Variants in AKR1C8 observed in about 807,000 individuals in gnomAD.
AKR1C8 encodes aldo-keto reductase family 1 member C8, also known as aldo-keto reductase family 1 member C-like protein 1.
At chr10:5,137,590 G>C in the AKR1C8 span, among the ~76,000 whole-genome samples, 4 of 152,246 alleles carry the variant, frequency 2.6e-5, no homozygotes, top group East Asian at 5.8e-4. Flanking sequence ...GGTAATAAGA[G>C]CTATTTATGA....
chr10:5,177,064 A>C, the AKR1C8 span, among the ~76,000 whole-genome samples: 1 of 152,210 alleles, frequency 6.6e-6, no homozygotes, highest in Non-Finnish European at 1.5e-5. Flanking sequence ...CCAGTTTTCA[A>C]AGGGAATGCT....
At chr10:5,132,905 C>A in the AKR1C8 span, 1 of 328,686 alleles carries the variant, frequency 3.0e-6, no homozygotes, top group East Asian at 5.6e-5. Context: ...ATAAATCCAT[C>A]CCAATTTGCT....
chr10:5,179,866 T>C, the AKR1C8 span, among the ~76,000 whole-genome samples: 183 of 152,310 alleles, frequency 1.2e-3, 1 homozygote, highest in African/African-American at 4.3e-3. Context: ...ATTCTAGTTA[T>C]ACATTCATCT....
At chr10:5,172,358 T>A in the AKR1C8 span, among the ~76,000 whole-genome samples, 1 of 152,026 alleles carries the variant, frequency 6.6e-6, no homozygotes, top group Admixed American at 6.6e-5. Flanking sequence ...CCACATAAGG[T>A]TTTTTAAATA....
the AKR1C8 span, among the ~76,000 whole-genome samples, chr10:5,121,081 T>C: frequency 7.9e-6 from 1 of 127,226 alleles, no homozygotes; most frequent in Non-Finnish European, 1.8e-5. Context: ...GAGGCTTTTC[T>C]TTTTTTGATT....
the AKR1C8 span, among the ~76,000 whole-genome samples, chr10:5,126,228 C>A: frequency 6.6e-6 from 1 of 152,156 alleles, no homozygotes; most frequent in African/African-American, 2.4e-5. Context: ...TGCATGGGTA[C>A]ACCTATACAC....
chr10:5,147,552 T>C, the AKR1C8 span, among the ~76,000 whole-genome samples: 2,698 of 149,846 alleles, frequency 0.018, 78 homozygotes, highest in African/African-American at 0.062. Context: ...AAAAAAATGG[T>C]GTGGGTAAAG....
At chr10:5,170,957 T>G in the AKR1C8 span, among the ~76,000 whole-genome samples, 1 of 152,128 alleles carries the variant, frequency 6.6e-6, no homozygotes, top group Non-Finnish European at 1.5e-5. Flanking sequence ...TAAACTAAAT[T>G]GTTAAAAGCT....
the AKR1C8 span, among the ~76,000 whole-genome samples, chr10:5,174,979 T>C: frequency 2.0e-5 from 3 of 152,184 alleles, no homozygotes; most frequent in Admixed American, 2.0e-4. Flanking sequence ...TATTTTGTTA[T>C]TATTATATTT....
At chr10:5,178,191 A>C in the AKR1C8 span, among the ~76,000 whole-genome samples, 1 of 152,026 alleles carries the variant, frequency 6.6e-6, no homozygotes, top group African/African-American at 2.4e-5. Context: ...CTTTGTTCTC[A>C]TTGGTTTCAA....
At chr10:5,144,259 C>A in the AKR1C8 span, among the ~76,000 whole-genome samples, 62 of 152,184 alleles carry the variant, frequency 4.1e-4, no homozygotes, top group South Asian at 5.2e-3. Flanking sequence ...CAGTACCATG[C>A]TGTTTTGGTT....
At chr10:5,147,446 G>A in the AKR1C8 span, among the ~76,000 whole-genome samples, 1 of 152,108 alleles carries the variant, frequency 6.6e-6, no homozygotes, top group African/African-American at 2.4e-5. Flanking sequence ...TTATGAGCCT[G>A]TGAAGTCAAA....
the AKR1C8 span, among the ~76,000 whole-genome samples, chr10:5,179,858 T>C: frequency 2.0e-5 from 3 of 152,214 alleles, no homozygotes; most frequent in East Asian, 1.9e-4. Context: ...TATTTGTTAT[T>C]CTAGTTATAC....
the AKR1C8 span, among the ~76,000 whole-genome samples, chr10:5,174,207 A>C: frequency 1.6e-3 from 242 of 151,976 alleles, 1 homozygote; most frequent in Non-Finnish European, 3.1e-3. Flanking sequence ...GAAGACTGAC[A>C]AACAGAAAAT....
the AKR1C8 span, among the ~76,000 whole-genome samples, chr10:5,172,052 A>G: frequency 5.9e-4 from 89 of 152,116 alleles, 1 homozygote; most frequent in Non-Finnish European, 1.0e-3. Context: ...TGTAGAGACT[A>G]GGACCCAGAC....
At chr10:5,139,368 G>A in the AKR1C8 span, among the ~76,000 whole-genome samples, 1 of 152,154 alleles carries the variant, frequency 6.6e-6, no homozygotes, top group Non-Finnish European at 1.5e-5. Context: ...AAAGAACAAA[G>A]CTGGAGGCAT....
chr10:5,172,923 A>G, the AKR1C8 span, among the ~76,000 whole-genome samples: 2 of 152,162 alleles, frequency 1.3e-5, no homozygotes, highest in Non-Finnish European at 2.9e-5. Context: ...TGATTGGATA[A>G]TTGGCCTCCA....
chr10:5,170,197 C>T, the AKR1C8 span, among the ~76,000 whole-genome samples: 1 of 151,930 alleles, frequency 6.6e-6, no homozygotes, highest in Non-Finnish European at 1.5e-5. Context: ...GTTTACAGGA[C>T]TTTAGGAAAG....
the AKR1C8 span, among the ~76,000 whole-genome samples, chr10:5,150,664 C>T: frequency 6.6e-6 from 1 of 151,940 alleles, no homozygotes; most frequent in Non-Finnish European, 1.5e-5. Flanking sequence ...ATAGCAAAGC[C>T]TTAAGACATT....
Sources: gnomAD v4.1 joint callset for allele counts (sites outside exome capture counted in the v4.1 genomes callset) on GRCh38, gnomAD v4.1.1 for gene constraint, MANE v1.5 for transcripts, NCBI Gene and HGNC (gene_info 2026-07-23, HGNC 2026-07-21) for gene names.